The following EHD4 variants were observed in gnomAD, a reference collection of about 807,000 sequenced individuals.
EHD4 encodes EH domain-containing protein 4.
A neutral mutation model predicts 51.0 loss-of-function variants in EHD4; 37 were observed. The ratio of observed to expected loss-of-function variants is 0.73; its 90% confidence interval spans 0.56 to 0.95. The LOEUF (loss-of-function observed/expected upper bound fraction) is 0.95, where lower values mean the gene tolerates loss of function less well. Among genes scored for constraint, EHD4 ranks in the 40% least tolerant of loss-of-function variants. The pLI is 0.00. For synonymous variants in EHD4, 297 were observed against 317.3 expected (o/e 0.94, Z 0.68); for missense variants, 632 against 733.1 (o/e 0.86, Z 1.59).
intron 4 of EHD4, among the ~76,000 whole-genome samples, chr15:41,914,154 G>T (rs988097747): frequency 6.6e-6 from 1 of 152,090 alleles, no homozygotes; most frequent in South Asian, 2.1e-4. Context: ...TGCTGGAAGC[G>T]ACCAGTGCTG....
chr15:41,950,600 T>C (rs979973300), intron 2 of EHD4, among the ~76,000 whole-genome samples: 6 of 152,248 alleles, frequency 3.9e-5, no homozygotes, highest in African/African-American at 1.4e-4. Flanking sequence ...AACTGCTGTG[T>C]GATGCAGTGG....
At chr15:41,902,625 G>A (rs1466756426) in intron 5 of EHD4, among the ~76,000 whole-genome samples, 1 of 151,932 alleles carries the variant, frequency 6.6e-6, no homozygotes, top group African/African-American at 2.4e-5. Flanking sequence ...AAGGGAGAGA[G>A]GGGCCAGGCT....
intron 3 of EHD4, among the ~76,000 whole-genome samples, chr15:41,929,715 C>A (rs2140993305): frequency 6.6e-6 from 1 of 152,330 alleles, no homozygotes; most frequent in East Asian, 1.9e-4. Flanking sequence ...GCCTCAGTTT[C>A]TATACCTGTG....
intron 3 of EHD4, among the ~76,000 whole-genome samples, chr15:41,939,270 T>C (rs1261658463): frequency 6.6e-6 from 1 of 152,256 alleles, no homozygotes; most frequent in African/African-American, 2.4e-5. Context: ...AGCTATTACT[T>C]GATCAGAATA....
chr15:41,964,766 A>AT (rs1179343561), intron 1 of EHD4, among the ~76,000 whole-genome samples: 67 of 111,744 alleles, frequency 6.0e-4, no homozygotes, highest in Non-Finnish European at 8.8e-4. Flanking sequence ...CCTGAAAAAA[A>AT]AAAAAAATAT....
chr15:41,914,007 T>G (rs2140986225), intron 4 of EHD4, among the ~76,000 whole-genome samples: 1 of 152,042 alleles, frequency 6.6e-6, no homozygotes, highest in Non-Finnish European at 1.5e-5. Context: ...AGTTCACACG[T>G]ACACTCTGAC....
intron 5 of EHD4, among the ~76,000 whole-genome samples, chr15:41,905,102 G>A (rs1378869567): frequency 2.0e-5 from 3 of 152,196 alleles, no homozygotes; most frequent in Non-Finnish European, 4.4e-5. Flanking sequence ...CTCTGTCAAG[G>A]CCTATGTTAC....
At position 41,900,666 on chromosome 15, in the gene EHD4, C is replaced by A. The variant is rs1158569399; in HGVS notation, c.1605G>T (p.Lys535Asn). The change falls in exon 6 of 6, where the codon AAG becomes AAT. Residue 535 changes from lysine to asparagine, a missense_variant. Transcript: ENST00000220325. The surrounding 1 kb of genome is among the most constrained non-coding windows in gnomAD (Gnocchi z 4.8). ...CCCCTCAGTCGGCCTTGGGCAGGGA[C>A]TTCCTGTGCGAGGGGGGCACGAGGT... is the stretch of plus-strand genomic sequence containing the variant. ...PPHLVPPSHRKSLPKAD is the reference protein window; with the variant it reads ...PPHLVPPSHRNSLPKAD 6.3e-7 allele frequency: 1 copy of A among 1,598,488 alleles called. No individual in the cohort carries two copies. Among genetic ancestry groups the A allele is most frequent in the Non-Finnish European group, 8.5e-7 (1 of 1,177,012 alleles).
At chr15:41,919,808 G>A (rs562689421) in intron 3 of EHD4, among the ~76,000 whole-genome samples, 186 bp from the exon 4 acceptor site, 1 of 152,090 alleles carries the variant, frequency 6.6e-6, no homozygotes, top group African/African-American at 2.4e-5. Context: ...AAGGACCTGG[G>A]GAGCCCTTCC....
At chr15:41,908,792 A>G (rs2067528711) in intron 5 of EHD4, 1 of 152,152 alleles carries the variant, frequency 6.6e-6, no homozygotes, top group African/African-American at 2.4e-5. Context: ...GTTTCTTGGA[A>G]CCTTCTTCTC....
chr15:41,964,202 C>T (rs941059244), intron 1 of EHD4, among the ~76,000 whole-genome samples: 2 of 134,316 alleles, frequency 1.5e-5, no homozygotes, highest in Non-Finnish European at 3.2e-5. Context: ...GAAAATTGGA[C>T]AAAGTTCACA....
At chr15:41,965,566 T>C (rs2067956237) in intron 1 of EHD4, among the ~76,000 whole-genome samples, 1 of 152,074 alleles carries the variant, frequency 6.6e-6, no homozygotes, top group African/African-American at 2.4e-5. Flanking sequence ...TGAGAGATGG[T>C]TTAGAAAAAC....
At chr15:41,956,587 T>C (rs746851918) in intron 1 of EHD4, among the ~76,000 whole-genome samples, 31 of 152,246 alleles carry the variant, frequency 2.0e-4, no homozygotes, top group Non-Finnish European at 8.8e-5. Flanking sequence ...TTCAAGTTTA[T>C]ATTGCAATCG....
intron 5 of EHD4, among the ~76,000 whole-genome samples, chr15:41,906,758 T>G (rs1339600019): frequency 6.6e-6 from 1 of 152,192 alleles, no homozygotes; most frequent in Non-Finnish European, 1.5e-5. Context: ...ACTGCCACGT[T>G]CCCCTTGGGG....
intron 1 of EHD4, among the ~76,000 whole-genome samples, chr15:41,966,359 TG>T (rs906724617): frequency 6.6e-6 from 1 of 152,168 alleles, no homozygotes; most frequent in African/African-American, 2.4e-5. Context: ...CCTCTCTCCC[TG>T]GCTTTTGTGG....
At chr15:41,912,488 A>C (rs1381664016) in intron 4 of EHD4, among the ~76,000 whole-genome samples, 1 of 152,152 alleles carries the variant, frequency 6.6e-6, no homozygotes, top group Non-Finnish European at 1.5e-5. Context: ...TAAGGTCAGG[A>C]GTTTGAGACT....
intron 4 of EHD4, among the ~76,000 whole-genome samples, chr15:41,917,639 G>A (rs1282780557): frequency 6.6e-6 from 1 of 152,210 alleles, no homozygotes; most frequent in African/African-American, 2.4e-5. Flanking sequence ...CTGGAGAAAG[G>A]AAACACCACA....
At chr15:41,937,064 T>C (rs966810170) in intron 3 of EHD4, among the ~76,000 whole-genome samples, 2 of 152,226 alleles carry the variant, frequency 1.3e-5, no homozygotes, top group African/African-American at 4.8e-5. Flanking sequence ...GTCAGGTCAC[T>C]GAATGCAAAC....
chr15:41,908,205 TG>T (rs1356237936), intron 5 of EHD4: 1 of 152,136 alleles, frequency 6.6e-6, no homozygotes, highest in African/African-American at 2.4e-5. Flanking sequence ...TAAAGCATAT[TG>T]GGTCAGATCA....
Sources: gnomAD v4.1 joint callset for allele counts (sites outside exome capture counted in the v4.1 genomes callset) on GRCh38, gnomAD v4.1.1 for gene constraint, Gnocchi (gnomAD v3.1) non-coding constraint, MANE v1.5 for transcripts, NCBI Gene and HGNC (gene_info 2026-07-23, HGNC 2026-07-21) for gene names.